The following PPM1B variants were observed in gnomAD, a reference collection of about 807,000 sequenced individuals.
The protein encoded by PPM1B is protein phosphatase 1B.
PPM1B carries 22 observed loss-of-function variants against 43.0 expected under a neutral mutation model. The observed-to-expected ratio is 0.51, with a 90% confidence interval of 0.37 to 0.73. PPM1B has a LOEUF of 0.73. Ranked by LOEUF, PPM1B falls within the 30% of genes least tolerant of loss-of-function variation. The pLI is 0.00. For missense variants in PPM1B, 632 were observed against 584.2 expected (o/e 1.08, Z -0.84); for synonymous variants, 217 against 197.9 (o/e 1.10, Z -0.81).
intron 5 of PPM1B, among the ~76,000 whole-genome samples, chr2:44,220,197 A>G (rs943120303): frequency 6.6e-6 from 1 of 151,936 alleles, no homozygotes; most frequent in African/African-American, 2.4e-5. Flanking sequence ...ATTATTAGCC[A>G]TAGAAGTACT....
Position 44,211,029 on chromosome 2 carries a change from C to T in PPM1B, c.964+1702C>T, listed in dbSNP as rs141085081. ...CAGGTGCCTGTAATCCCAGCTACTC[C>T]GGAGGCTGAGGCGGGAGAACTGCTT... On this transcript the variant is annotated intron_variant, in intron 3 of 5. Coordinates refer to ENST00000282412, the MANE Select transcript of PPM1B (RefSeq NM_002706.6). 7.0e-3 allele frequency among the ~76,000 whole-genome samples: 1,058 copies of T among 151,954 alleles called. 13 individuals are homozygous for T. Among genetic ancestry groups the T allele is most frequent in the African/African-American group, 0.023 (956 of 41,448 alleles).
At chr2:44,202,189 A>T in intron 2 of PPM1B, 144 bp downstream of exon 2, 5 of 845,892 alleles carry the variant, frequency 5.9e-6, no homozygotes, top group Non-Finnish European at 8.3e-6. Flanking sequence ...AAATGAAACC[A>T]TTGTTTTCTT....
chr2:44,219,362 A>T (rs1669869682), intron 5 of PPM1B, among the ~76,000 whole-genome samples: 1 of 152,130 alleles, frequency 6.6e-6, no homozygotes, highest in Non-Finnish European at 1.5e-5. Context: ...GTCCACCTCC[A>T]GTCTCCAGCT....
downstream of PPM1B, chr2:44,232,481 C>T (rs932635507): frequency 2.7e-5 from 41 of 1,509,710 alleles, no homozygotes; most frequent in African/African-American, 5.3e-4. Context: ...AAATCATTAG[C>T]ATTTCCCATC....
intron 5 of PPM1B, among the ~76,000 whole-genome samples, chr2:44,240,532 G>T (rs1670722303): frequency 6.9e-6 from 1 of 144,282 alleles, no homozygotes; most frequent in African/African-American, 2.5e-5. Flanking sequence ...TCGTCATTTT[G>T]CATTAGTTTT....
At chr2:44,178,167 C>T (rs1185851483) in intron 1 of PPM1B, among the ~76,000 whole-genome samples, 1 of 151,878 alleles carries the variant, frequency 6.6e-6, no homozygotes, top group African/African-American at 2.4e-5. Context: ...TGATCCACCT[C>T]CTTTGGCCTC....
At chr2:44,228,895 T>G (rs1394294406) in intron 5 of PPM1B, among the ~76,000 whole-genome samples, 1 of 152,116 alleles carries the variant, frequency 6.6e-6, no homozygotes, top group Non-Finnish European at 1.5e-5. Flanking sequence ...AATGAAGATA[T>G]TTTTCAGCCA....
rs1670454946 is a variant in PPM1B, at chr2:44,231,158, C to A, written c.*440C>A. On this transcript the variant is annotated 3_prime_UTR_variant, in exon 6 of 6. Coordinates refer to ENST00000282412, the MANE Select transcript of PPM1B (RefSeq NM_002706.6). ...GTTTTCTTTAATAATTTTAGTTCTT[C>A]AAAGAATGGCTGATGCTGGCCTGTA... The A allele has an allele frequency of 4.1e-6, 4 of 978,650 alleles. No homozygotes were observed. Among genetic ancestry groups the A allele is most frequent in the Non-Finnish European group, 4.9e-6 (4 of 823,810 alleles). The allele number at this position is 978,650 out of a possible 1,614,324, so 60.6% of individuals were successfully genotyped here.
chr2:44,185,206 C>G (rs572011191), intron 1 of PPM1B, among the ~76,000 whole-genome samples: 1 of 152,120 alleles, frequency 6.6e-6, no homozygotes, highest in African/African-American at 2.4e-5. Flanking sequence ...TGAGATTCAT[C>G]TAAGTTCCTG....
At chr2:44,191,616 A>T (rs903091687) in intron 1 of PPM1B, among the ~76,000 whole-genome samples, 3 of 152,196 alleles carry the variant, frequency 2.0e-5, no homozygotes, top group Non-Finnish European at 4.4e-5. Flanking sequence ...AAGTTAATGT[A>T]GTCTATACTT....
Position 44,230,826 on chromosome 2 carries a change from T to G in PPM1B, c.*108T>G. ...GTTATTTGAATCTTGGAAAACTAGT[T>G]TTATTATATTCAGATAGCCTTGTTT... On this transcript the variant is annotated 3_prime_UTR_variant, in exon 6 of 6. Coordinates refer to ENST00000282412, the MANE Select transcript of PPM1B (RefSeq NM_002706.6). The G allele has an allele frequency of 6.8e-7, 1 of 1,467,720 alleles. No individual in the cohort carries two copies. Among genetic ancestry groups the G allele is most frequent in the Non-Finnish European group, 9.0e-7 (1 of 1,107,462 alleles). The allele number at this position is 1,467,720 out of a possible 1,614,324, so 90.9% of individuals were successfully genotyped here.
Position 44,223,708 on chromosome 2 carries a change from C to T in PPM1B, c.1134+5171C>T, listed in dbSNP as rs189872794. Among the ~76,000 whole-genome samples the T allele has an allele frequency of 2.4e-4, 35 of 148,164 alleles. No homozygotes were observed. In the East Asian group the frequency reaches 6.6e-3, roughly 28 times the overall value. On this transcript the variant is annotated intron_variant, in intron 5 of 5. Coordinates refer to ENST00000282412, the MANE Select transcript of PPM1B (RefSeq NM_002706.6). ...GTGGGCGCCTGTAGTCTCAGCTACT[C>T]GGGAGGTTGGGGCAGGAGAATGGTG... is the stretch of plus-strand genomic sequence containing the variant.
At chr2:44,183,777 C>T (rs1035205567) in intron 1 of PPM1B, among the ~76,000 whole-genome samples, 1 of 152,030 alleles carries the variant, frequency 6.6e-6, no homozygotes, top group Non-Finnish European at 1.5e-5. Flanking sequence ...CTCGCTCAGT[C>T]GCCCAGGCTG....
intron 5 of PPM1B, among the ~76,000 whole-genome samples, chr2:44,219,714 C>T (rs1206179801): frequency 6.6e-6 from 1 of 151,944 alleles, no homozygotes; most frequent in Admixed American, 6.6e-5. Context: ...GAGGCCGAGG[C>T]GGGCGGATCA....
At position 44,230,501 on chromosome 2, in the gene PPM1B, G is replaced by C. The variant is rs191178306; in HGVS notation, c.1223G>C (p.Arg408Pro). Residue 408 changes from arginine to proline, a missense_variant, in exon 6 of 6, where the codon CGA (arginine) becomes CCA (proline). Physicochemically the swap from Arg to Pro is moderately radical, Grantham distance 103. Transcript: ENST00000282412. ...AGAATTAATCATAGGGGAAACTACC[G>C]ACAACTTCTGGAGGAGATGCTGACT... ...QMRINHRGNY[R>P]QLLEEMLTSY... 6 of 1,613,968 alleles carry C rather than the reference G, an allele frequency of 3.7e-6. No individual in the cohort carries two copies. The highest frequency in any genetic ancestry group is 4.2e-6 in the Non-Finnish European group (5 of 1,180,006).
chr2:44,204,101 TC>T (rs1184671026), intron 2 of PPM1B, among the ~76,000 whole-genome samples: 1 of 152,198 alleles, frequency 6.6e-6, no homozygotes, highest in Non-Finnish European at 1.5e-5. Flanking sequence ...CCATCATAGT[TC>T]CTTCTAATGG....
intron 5 of PPM1B, among the ~76,000 whole-genome samples, chr2:44,220,066 T>C (rs1445979273): frequency 6.6e-6 from 1 of 151,864 alleles, no homozygotes; most frequent in Non-Finnish European, 1.5e-5. Context: ...ACTAAAAGGA[T>C]GGTGGTAATT....
At chr2:44,173,269 A>G (rs1399463853) in intron 1 of PPM1B, among the ~76,000 whole-genome samples, 2 of 152,264 alleles carry the variant, frequency 1.3e-5, no homozygotes, top group African/African-American at 2.4e-5. Flanking sequence ...AAATTTTCCA[A>G]AAGTGTAATC....
chr2:44,212,306 T>C (rs1669509038), intron 3 of PPM1B, among the ~76,000 whole-genome samples: 2 of 152,194 alleles, frequency 1.3e-5, no homozygotes, highest in South Asian at 4.1e-4. Flanking sequence ...AAACCTGTCC[T>C]CTACTGTCAA....
Sources: allele counts gnomAD v4.1 joint callset (sites outside exome capture counted in the v4.1 genomes callset), GRCh38; gene constraint gnomAD v4.1.1; transcripts MANE v1.5; gene names NCBI Gene and HGNC (gene_info 2026-07-23, HGNC 2026-07-21).